B4GALNT3: variants seen among roughly 807,000 people sequenced by gnomAD.
B4GALNT3 encodes the protein beta-1,4-N-acetyl-galactosaminyltransferase 3, also known as beta-1,4-N-acetylgalactosaminyltransferase 3.
A neutral mutation model predicts 120.2 loss-of-function variants in B4GALNT3; 86 were observed. That is an observed-to-expected ratio of 0.72 (90% CI 0.60 to 0.86). The LOEUF is 0.86. Among genes scored for constraint, B4GALNT3 ranks in the 40% least tolerant of loss-of-function variants. The pLI is 0.00. For missense variants in B4GALNT3, 1,167 were observed against 1,298.9 expected, an observed-to-expected ratio of 0.90 and a Z score of 1.56; for synonymous variants, 518 against 510.4, an observed-to-expected ratio of 1.01 and a Z score of -0.20.
chr12:511,737 CCTTCCACCTTCCACCTT>C (rs1565598189), intron 1 of B4GALNT3, among the ~76,000 whole-genome samples: 31 of 105,792 alleles, frequency 2.9e-4, no homozygotes, highest in African/African-American at 1.2e-3. Context: ...CTTCCTTCCA[CCTTCCACCTTCCACCTT>C]CTTCCACCTT....
intron 1 of B4GALNT3, among the ~76,000 whole-genome samples, chr12:534,693 C>T (rs1314222890): frequency 3.9e-5 from 6 of 152,208 alleles, no homozygotes; most frequent in East Asian, 3.8e-4. Flanking sequence ...CTCTCAGCTC[C>T]GGCTCTATCC....
In B4GALNT3 at chr12:476,031, C is replaced by T. The variant is rs115192348; in HGVS notation, c.169+15486C>T. Among the ~76,000 whole-genome samples the T allele has an allele frequency of 3.7e-3, 564 of 152,298 alleles. 5 individuals are homozygous for T. The highest frequency in any genetic ancestry group is 0.013 in the African/African-American group (544 of 41,550). On this transcript the variant is annotated intron_variant, in intron 1 of 19. Transcript: ENST00000266383. ...CAGGCCATCTGCTGCTGTCTTTGGT[C>T]CTCCATTTCTTCCTTCCTTTACCAT...
chr12:553,428 G>A lies in B4GALNT3; in HGVS notation c.1505G>A (p.Arg502Lys), dbSNP rs771983109. ...KRNSTASFPG[R>K]TSHIPVQQPE... ...AACTCCACAGCGTCCTTCCCAGGGA[G>A]GACCAGCCACATTCCAGTGCAGCAG... is the stretch of plus-strand genomic sequence containing the variant. The change falls in exon 14 of 20, where the codon AGG (arginine) becomes AAG (lysine). Residue 502 changes from arginine (R) to lysine (K), a missense_variant. By Grantham distance (26) the Arg-to-Lys change is conservative. Around this residue, in one of 3 missense-constraint regions of B4GALNT3, gnomAD observed 983 missense variants for 1,102.5 expected, o/e 0.89. Transcript: ENST00000266383. The A allele has an allele frequency of 6.2e-7, 1 of 1,613,922 alleles. No homozygotes were observed. The highest frequency in any genetic ancestry group is 1.3e-5 in the African/African-American group (1 of 74,954).
At chr12:471,717 T>TAAAA (rs1273950257) in intron 1 of B4GALNT3, among the ~76,000 whole-genome samples, 4 of 30,896 alleles carry the variant, frequency 1.3e-4, no homozygotes, top group South Asian at 1.1e-3. Context: ...AAAATAATAA[T>TAAAA]AAAAAATAAA....
chr12:463,865 G>A (rs901470369), intron 1 of B4GALNT3, among the ~76,000 whole-genome samples: 14 of 152,210 alleles, frequency 9.2e-5, no homozygotes, highest in Admixed American at 7.2e-4. Context: ...GAAGAATAGA[G>A]GATGATGCTG....
At chr12:560,639 C>G (rs539605174) in intron 19 of B4GALNT3, among the ~76,000 whole-genome samples, 18 of 152,310 alleles carry the variant, frequency 1.2e-4, no homozygotes, top group African/African-American at 3.8e-4. Flanking sequence ...GGTCTGAGAT[C>G]AAAGGAGCCC....
intron 1 of B4GALNT3, among the ~76,000 whole-genome samples, chr12:467,893 A>G (rs992317561): frequency 2.0e-5 from 3 of 152,162 alleles, no homozygotes; most frequent in African/African-American, 4.8e-5. Context: ...TTTAATTTCT[A>G]TTGGTCACGT....
intron 1 of B4GALNT3, 30 bp from the exon 2 acceptor site, chr12:535,136 C>A (rs779784823): frequency 6.3e-7 from 1 of 1,588,830 alleles, no homozygotes; most frequent in Non-Finnish European, 8.6e-7. Context: ...GTTACGCTGA[C>A]CTGAGGGCTC....
At chr12:551,155 G>T in intron 11 of B4GALNT3, 124 bp downstream of exon 11, 1 of 794,398 alleles carries the variant, frequency 1.3e-6, no homozygotes, top group Non-Finnish European at 2.0e-6. Context: ...CAGACAGGAC[G>T]TCCTCACAGG....
chr12:552,292 TACACACACACACACACACACACACACAC>T, intron 12 of B4GALNT3, 129 bp downstream of exon 12: 10 of 627,208 alleles, frequency 1.6e-5, no homozygotes, highest in South Asian at 1.5e-4. Flanking sequence ...TCCTGAGTAC[TACACACACACACACACACACACACACAC>T]ACACACACAC....
At chr12:473,024 G>T (rs1946152755) in intron 1 of B4GALNT3, among the ~76,000 whole-genome samples, 2 of 150,314 alleles carry the variant, frequency 1.3e-5, no homozygotes. Flanking sequence ...TTTTCACCCA[G>T]GCTGGAGTCT....
rs375351221 is a variant in B4GALNT3, at chr12:558,680, G to T, written c.2761+19G>T. On this transcript the variant is annotated intron_variant, in intron 18 of 19. Transcript: ENST00000266383. ...CCTGAGGGTGAGCCCTGCTCAGACT[G>T]GGGAGGGAGGAAAGACTTCTCTGAT... The T allele has an allele frequency of 6.2e-7, 1 of 1,611,360 alleles. No individual in the cohort carries two copies. Among genetic ancestry groups the T allele is most frequent in the Non-Finnish European group, 8.5e-7 (1 of 1,178,304 alleles).
chr12:518,910 T>C (rs35788371), intron 1 of B4GALNT3, among the ~76,000 whole-genome samples: 21,217 of 152,232 alleles, frequency 0.14, 1,651 homozygotes, highest in Non-Finnish European at 0.16. Context: ...GACCTGTGTA[T>C]ACCAAGGACT....
At chr12:546,397 GGTGCTGACTC>G (rs1947009004) in intron 6 of B4GALNT3, among the ~76,000 whole-genome samples, 1 of 152,024 alleles carries the variant, frequency 6.6e-6, no homozygotes, top group South Asian at 2.1e-4. Context: ...GCCTTGGCCG[GGTGCTGACTC>G]GCGCTGCAGG....
At position 561,695 on chromosome 12, in the gene B4GALNT3, A is replaced by G; in HGVS notation, c.*244A>G. 2 of 482,314 alleles carry G rather than the reference A, an allele frequency of 4.1e-6. No homozygotes were observed. The highest frequency in any genetic ancestry group is 3.5e-5 in the East Asian group (1 of 28,252). 29.9% of individuals were successfully genotyped at this position (482,314 alleles called of 1,614,324 possible). A position where few individuals can be genotyped will look rare whatever the true frequency, so the allele number is the denominator to read the frequency against. The stretch of plus-strand genomic sequence containing the variant: ...AGAGGCCAGGAGGGACCACTTGCTC[A>G]GTCGAGAACGGGAAGAGCTCCTGAG... On this transcript the variant is annotated 3_prime_UTR_variant, in exon 20 of 20. Transcript: ENST00000266383.
chr12:549,904 T>C lies in B4GALNT3; in HGVS notation c.989T>C (p.Leu330Pro). 1 of 1,612,220 alleles carries C rather than the reference T, an allele frequency of 6.2e-7. No homozygotes were observed. Among genetic ancestry groups the C allele is most frequent in the Non-Finnish European group, 8.5e-7 (1 of 1,179,514 alleles). ...CTTCGGCCTGACCCCCGGGACACCCTCTATCGAGGTAAGGCCTCGGCCAGC... is the reference window on the plus strand; with the variant it reads ...CTTCGGCCTGACCCCCGGGACACCCCCTATCGAGGTAAGGCCTCGGCCAGC... ...DMLRPDPRDT[L>P]YRVPLIPKSH... Residue 330 changes from leucine to proline, a missense_variant, in exon 10 of 20, where the codon CTC (leucine) becomes CCC (proline). Coordinates refer to ENST00000266383, the MANE Select transcript of B4GALNT3 (RefSeq NM_173593.4).
In B4GALNT3 at chr12:558,025, C is replaced by A; in HGVS notation, c.2544C>A (p.Tyr848Ter). ...LKRSKLRSYQYVKLSGNFERS... is the reference protein window; with the variant it reads ...LKRSKLRSYQ The stretch of plus-strand genomic sequence containing the variant: ...TCTCCCCTTCCTGCAGCTACCAGTA[C>A]GTGAAGCTAAGTGGAAACTTTGAAC... The change falls in exon 17 of 20, where the codon TAC (tyrosine) becomes TAA (stop). Residue 848 changes from tyrosine to a stop codon, truncating the protein, a stop_gained. Coordinates refer to ENST00000266383, the MANE Select transcript of B4GALNT3 (RefSeq NM_173593.4). LOFTEE classifies it high-confidence loss of function. 1 of 1,614,012 alleles carries A rather than the reference C, an allele frequency of 6.2e-7. No homozygotes were observed. Among genetic ancestry groups the A allele is most frequent in the East Asian group, 2.2e-5 (1 of 44,886 alleles).
At position 558,031 on chromosome 12, in the gene B4GALNT3, G is replaced by A. The variant is rs1407412676; in HGVS notation, c.2550G>A (p.Lys850=). The A allele has an allele frequency of 1.2e-6, 2 of 1,614,028 alleles. No individual in the cohort carries two copies. Among genetic ancestry groups the A allele is most frequent in the East Asian group, 4.5e-5 (2 of 44,888 alleles). ...CTTCCTGCAGCTACCAGTACGTGAA[G>A]CTAAGTGGAAACTTTGAACGCTCAG... ...RSKLRSYQYV[K]LSGNFERSAG... The change falls in exon 17 of 20, where the codon AAG becomes AAA. Residue 850 remains lysine (K), a synonymous_variant. Transcript: ENST00000266383.
intron 1 of B4GALNT3, among the ~76,000 whole-genome samples, chr12:489,424 A>G (rs1471457461): frequency 6.6e-6 from 1 of 152,170 alleles, no homozygotes; most frequent in African/African-American, 2.4e-5. Context: ...AATAAATATG[A>G]TAGATATTAT....
Sources: allele counts gnomAD v4.1 joint callset (sites outside exome capture counted in the v4.1 genomes callset), GRCh38; gene constraint gnomAD v4.1.1; regional missense constraint gnomAD v4.1.1; transcripts MANE v1.5; gene names NCBI Gene and HGNC (gene_info 2026-07-23, HGNC 2026-07-21).